NPTXR: variants seen among roughly 807,000 people sequenced by gnomAD.
The protein encoded by NPTXR is neuronal pentraxin receptor.
A neutral mutation model predicts 32.2 loss-of-function variants in NPTXR; 12 were observed. The ratio of observed to expected loss-of-function variants is 0.37; its 90% CI spans 0.24 to 0.60. The LOEUF (loss-of-function observed/expected upper bound fraction) is 0.60. NPTXR is among the 20% of genes least tolerant of loss of function. NPTXR has a pLI of 0.66. For synonymous variants in NPTXR, 323 were observed against 315.8 expected (o/e 1.02, Z -0.24); for missense variants, 612 against 682.9 (o/e 0.90, Z 1.16).
chr22:38,825,931 C>G (rs759543633), intron 3 of NPTXR, among the ~76,000 whole-genome samples: 1 of 151,142 alleles, frequency 6.6e-6, no homozygotes, highest in Non-Finnish European at 1.5e-5. Context: ...CAAGCTCTGC[C>G]TCTCGGGTTC....
In NPTXR at chr22:38,820,455, G is replaced by T. The variant is rs2093094983; in HGVS notation, c.*2154C>A. On this transcript the variant is annotated 3_prime_UTR_variant, in exon 5 of 5. Coordinates refer to ENST00000333039, the MANE Select transcript of NPTXR (RefSeq NM_014293.4). ...ATAGGGAACAAAAAGGCAGGCAAAA[G>T]GTACAGTGCCCACTTGAGCCAGGGA... is the stretch of plus-strand genomic sequence containing the variant. 6.6e-6 allele frequency: 1 copy of T among 152,268 alleles called. No homozygotes were observed. The highest frequency in any genetic ancestry group is 1.5e-5 in the Non-Finnish European group (1 of 68,080). 9.4% of individuals were successfully genotyped at this position (152,268 alleles called of 1,614,324 possible).
chr22:38,825,880 T>C (rs1281567237), intron 3 of NPTXR, among the ~76,000 whole-genome samples: 2 of 146,058 alleles, frequency 1.4e-5, no homozygotes, highest in Non-Finnish European at 3.0e-5. Flanking sequence ...TCTTCCTCTG[T>C]CGCCCAGGCT....
At chr22:38,832,740 G>A (rs2093118300) in intron 1 of NPTXR, among the ~76,000 whole-genome samples, 1 of 152,234 alleles carries the variant, frequency 6.6e-6, no homozygotes, top group African/African-American at 2.4e-5. Flanking sequence ...TGGCCTTCCT[G>A]ATCCTGAAAT....
chr22:38,836,029 A>G (rs2093123407), intron 1 of NPTXR, among the ~76,000 whole-genome samples: 1 of 152,204 alleles, frequency 6.6e-6, no homozygotes, highest in Non-Finnish European at 1.5e-5. Flanking sequence ...AAAATGGCCA[A>G]TAAACATAAG....
chr22:38,822,810 A>G lies in NPTXR; in HGVS notation c.1302T>C (p.Asp434=), dbSNP rs367849423. The G allele has an allele frequency of 1.5e-5, 25 of 1,613,892 alleles. No individual in the cohort carries two copies. The African/African-American group carries it at 2.9e-4, about 19-fold the overall frequency. Residue 434 remains aspartate (D), a synonymous_variant, in exon 5 of 5, where the codon GAT becomes GAC. Coordinates refer to ENST00000333039, the MANE Select transcript of NPTXR (RefSeq NM_014293.4). ...TGTCACCGACAAAGGCCTGGGTGGC[A>G]TCAAACCGGCCACCCAGGGTATCCT...
intron 1 of NPTXR, among the ~76,000 whole-genome samples, chr22:38,842,028 C>T (rs1418454581): frequency 6.6e-6 from 1 of 152,182 alleles, no homozygotes; most frequent in Admixed American, 6.5e-5. Context: ...ACTCTGACAC[C>T]CTGTGGGGAG....
At chr22:38,831,410 T>C (rs1174695912) in intron 1 of NPTXR, among the ~76,000 whole-genome samples, 3 of 152,080 alleles carry the variant, frequency 2.0e-5, no homozygotes, top group South Asian at 2.1e-4. Flanking sequence ...AAAAAAAGTG[T>C]GTGTGGGGTG....
chr22:38,820,580 C>A lies in NPTXR; in HGVS notation c.*2029G>T. On this transcript the variant is annotated 3_prime_UTR_variant, in exon 5 of 5. Transcript: ENST00000333039. ...CCCAGGGATCATAACCTCCTCCCCG[C>A]ACTTCCTGGGGTGGGGATGCCAAGA... The A allele has an allele frequency of 6.6e-6, 1 of 152,354 alleles. No individual in the cohort carries two copies. Among genetic ancestry groups the A allele is most frequent in the Non-Finnish European group, 1.5e-5 (1 of 68,054 alleles). The allele number at this position is 152,354 out of a possible 1,614,324, so 9.4% of individuals were successfully genotyped here.
chr22:38,841,224 C>T (rs911254655), intron 1 of NPTXR, among the ~76,000 whole-genome samples: 10 of 152,366 alleles, frequency 6.6e-5, no homozygotes, highest in South Asian at 4.1e-4. Context: ...GCTGTTGCCA[C>T]GCTCAGAAAG....
At chr22:38,827,257 TTTC>T (rs2093108719) in intron 2 of NPTXR, among the ~76,000 whole-genome samples, 3 of 83,032 alleles carry the variant, frequency 3.6e-5, no homozygotes, top group African/African-American at 2.0e-4. Flanking sequence ...TCTTTTTTTC[TTTC>T]TTTTTTTTTT....
Position 38,835,371 on chromosome 22 carries a change from G to A in NPTXR, c.625-6859C>T, listed in dbSNP as rs572048502. Among the ~76,000 whole-genome samples the A allele has an allele frequency of 3.5e-3, 532 of 152,320 alleles. 9 individuals are homozygous for A. The highest frequency in any genetic ancestry group is 0.012 in the African/African-American group (508 of 41,570). ...AGGGACAGACCCAGCAGGTGGCTCC[G>A]CCTCCTCCTACCCAGGTGGGGAACA... On this transcript the variant is annotated intron_variant, in intron 1 of 4. Coordinates refer to ENST00000333039, the MANE Select transcript of NPTXR (RefSeq NM_014293.4).
At chr22:38,828,586 G>A (rs1429698391) in intron 1 of NPTXR, 74 bp from the exon 2 acceptor site, 51 of 1,266,216 alleles carry the variant, frequency 4.0e-5, no homozygotes, top group East Asian at 5.1e-5. Flanking sequence ...GATGCCTACC[G>A]CCCCTGCTCA....
At chr22:38,824,518 AC>A (rs1366494795) in intron 3 of NPTXR, among the ~76,000 whole-genome samples, 2 of 152,164 alleles carry the variant, frequency 1.3e-5, no homozygotes, top group East Asian at 3.9e-4. Context: ...CCACGTCAAA[AC>A]CCGTCTGGAA....
intron 1 of NPTXR, among the ~76,000 whole-genome samples, chr22:38,831,964 C>T (rs1704182380): frequency 6.6e-6 from 1 of 152,218 alleles, no homozygotes; most frequent in Admixed American, 6.5e-5. Flanking sequence ...ACCGATACCC[C>T]TGGAGCCAGC....
At position 38,843,570 on chromosome 22, in the gene NPTXR, T is replaced by C; in HGVS notation, c.289A>G (p.Thr97Ala). 8.2e-7 allele frequency: 1 copy of C among 1,226,522 alleles called. No individual in the cohort carries two copies. Among genetic ancestry groups the C allele is most frequent in the Non-Finnish European group, 1.0e-6 (1 of 985,030 alleles). 76.0% of individuals were successfully genotyped at this position (1,226,522 alleles called of 1,614,324 possible). A position where few individuals can be genotyped will look rare whatever the true frequency, so the allele number is the denominator to read the frequency against. The stretch of plus-strand genomic sequence containing the variant: ...GACGGGCAGGCAGCAGCCAGCGGCG[T>C]GCACAGGAAGCGGCTGAACAGGGGC... The change falls in exon 1 of 5, where the codon ACG becomes GCG. Residue 97 changes from threonine to alanine, a missense_variant. Transcript: ENST00000333039. This position sits in a 1 kb window ranked among gnomAD's most constrained non-coding sequence, Gnocchi z 5.3.
intron 4 of NPTXR, 124 bp downstream of exon 4, chr22:38,822,959 C>A: frequency 6.9e-7 from 1 of 1,443,996 alleles, no homozygotes. Flanking sequence ...GAAGCCCCAC[C>A]GCCAACGCTC....
At position 38,834,669 on chromosome 22, in the gene NPTXR, G is replaced by A. The variant is rs1465054689; in HGVS notation, c.625-6157C>T. ...GCCGCAGCAACATGGCGTCGTAGTT[G>A]CAGACACGAACTGTCACGTTAGACA... On this transcript the variant is annotated intron_variant, in intron 1 of 4. Coordinates refer to ENST00000333039, the MANE Select transcript of NPTXR (RefSeq NM_014293.4). The surrounding 1 kb of genome is among the most constrained non-coding windows in gnomAD (Gnocchi z 4.4). Among the ~76,000 whole-genome samples the A allele has an allele frequency of 6.6e-6, 1 of 151,880 alleles. No homozygotes were observed. The highest frequency in any genetic ancestry group is 2.4e-5 in the African/African-American group (1 of 41,310).
chr22:38,832,584 G>A (rs190161167), intron 1 of NPTXR, among the ~76,000 whole-genome samples: 5 of 152,316 alleles, frequency 3.3e-5, no homozygotes, highest in East Asian at 1.9e-4. Context: ...GCCAGGCCCC[G>A]CACTAGGGAA....
At chr22:38,838,293 C>T (rs1020450114) in intron 1 of NPTXR, among the ~76,000 whole-genome samples, 2 of 152,026 alleles carry the variant, frequency 1.3e-5, no homozygotes, top group Non-Finnish European at 2.9e-5. Context: ...CCTTCACTGT[C>T]TCTGAGCTTC....
Sources: gnomAD v4.1 joint callset for allele counts (sites outside exome capture counted in the v4.1 genomes callset) on GRCh38, gnomAD v4.1.1 for gene constraint, Gnocchi (gnomAD v3.1) non-coding constraint, MANE v1.5 for transcripts, NCBI Gene and HGNC (gene_info 2026-07-23, HGNC 2026-07-21) for gene names.